KLF12: variants seen among roughly 807,000 people sequenced by gnomAD.
The protein encoded by KLF12 is KLF transcription factor 12.
Under a neutral mutation model 37.8 loss-of-function variants are expected in KLF12, and 9 were observed. That is an observed-to-expected ratio of 0.24 (90% confidence interval 0.14 to 0.42). KLF12 has a LOEUF of 0.42. Ranked by LOEUF, KLF12 falls within the 10% of genes least tolerant of loss-of-function variation. The pLI is 1.00. For missense variants in KLF12, 411 were observed against 516.0 expected (o/e 0.80, Z 1.97); for synonymous variants, 208 against 202.1 (o/e 1.03, Z -0.25).
the KLF12 span, among the ~76,000 whole-genome samples, chr13:74,176,639 C>T: frequency 2.0e-5 from 3 of 152,076 alleles, no homozygotes; most frequent in Non-Finnish European, 4.4e-5. Context: ...GATTTTTTGT[C>T]TGCATTGAGA....
Position 73,770,003 on chromosome 13 carries a change from A to G in KLF12, c.807-5003T>C, listed in dbSNP as rs148586494. ...TTTCTAAAACCATTTAGGTTATATAATCATTAACCTATATTTTAATTAGGT... is the reference window on the plus strand; with the variant it reads ...TTTCTAAAACCATTTAGGTTATATAGTCATTAACCTATATTTTAATTAGGT... On this transcript the variant is annotated intron_variant, in intron 5 of 7. Coordinates refer to ENST00000377669, the MANE Select transcript of KLF12 (RefSeq NM_007249.5). Among the ~76,000 whole-genome samples, 455 of 152,306 alleles carry G rather than the reference A, an allele frequency of 3.0e-3. 2 individuals are homozygous for G. The highest frequency in any genetic ancestry group is 0.01 in the African/African-American group (432 of 41,558).
intron 6 of KLF12, among the ~76,000 whole-genome samples, chr13:73,739,651 C>T (rs1275788978): frequency 7.0e-6 from 1 of 143,540 alleles, no homozygotes; most frequent in African/African-American, 2.5e-5. Context: ...CTGACATTCT[C>T]TAGAGACTCT....
the KLF12 span, among the ~76,000 whole-genome samples, chr13:74,140,777 G>T: frequency 6.6e-6 from 1 of 152,030 alleles, no homozygotes; most frequent in African/African-American, 2.4e-5. Flanking sequence ...GTTGGAGCAG[G>T]GTGCGGTGGC....
chr13:73,871,617 G>C (rs894550777), intron 3 of KLF12, among the ~76,000 whole-genome samples: 5 of 151,816 alleles, frequency 3.3e-5, no homozygotes, highest in African/African-American at 1.2e-4. Flanking sequence ...GACACCTCTG[G>C]GCCCTTCACA....
intron 5 of KLF12, among the ~76,000 whole-genome samples, chr13:73,807,169 G>A (rs1316339793): frequency 3.9e-5 from 6 of 152,006 alleles, no homozygotes; most frequent in Non-Finnish European, 5.9e-5. Flanking sequence ...TTAGCTGGGC[G>A]TGGTGGCTTA....
At chr13:74,088,830 A>C (rs1875477226) in intron 1 of KLF12, among the ~76,000 whole-genome samples, 2 of 152,234 alleles carry the variant, frequency 1.3e-5, no homozygotes, top group East Asian at 3.8e-4. Flanking sequence ...ATGTGAAAGC[A>C]CTTTGAACTG....
chr13:73,888,453 T>C (rs1035272629), intron 3 of KLF12, among the ~76,000 whole-genome samples: 4 of 152,240 alleles, frequency 2.6e-5, no homozygotes, highest in Admixed American at 1.3e-4. Flanking sequence ...ATATTGCTGC[T>C]ATTTAGAGCA....
chr13:73,968,829 C>T (rs1180878029), intron 2 of KLF12, among the ~76,000 whole-genome samples: 1 of 152,134 alleles, frequency 6.6e-6, no homozygotes, highest in East Asian at 1.9e-4. Context: ...TCTCCCTCGA[C>T]ACGTTGATCC....
intron 7 of KLF12, among the ~76,000 whole-genome samples, chr13:73,713,477 AC>A (rs1188960526): frequency 6.6e-6 from 1 of 152,232 alleles, no homozygotes; most frequent in Non-Finnish European, 1.5e-5. Context: ...TATGCAGAAA[AC>A]TGCACAGCAG....
At chr13:74,196,401 T>C in the KLF12 span, among the ~76,000 whole-genome samples, 1 of 152,112 alleles carries the variant, frequency 6.6e-6, no homozygotes, top group African/African-American at 2.4e-5. Context: ...GGGGAGAACA[T>C]TTTGGGTGTG....
the KLF12 span, among the ~76,000 whole-genome samples, chr13:74,303,274 G>A: frequency 6.6e-6 from 1 of 152,080 alleles, no homozygotes; most frequent in Non-Finnish European, 1.5e-5. Flanking sequence ...CATGGCAGTT[G>A]CCCCAAGAAC....
chr13:74,178,360 T>G, the KLF12 span, among the ~76,000 whole-genome samples: 35,792 of 152,196 alleles, frequency 0.24, 7,186 homozygotes, highest in African/African-American at 0.55. Context: ...TTTTTTACAC[T>G]CATTGCCTTA....
chr13:74,041,753 A>G (rs2138542677), intron 1 of KLF12, among the ~76,000 whole-genome samples: 1 of 152,000 alleles, frequency 6.6e-6, no homozygotes, highest in Non-Finnish European at 1.5e-5. Context: ...ACAGAAAAGA[A>G]AACACTCAGG....
chr13:73,937,074 C>T (rs1412031740), intron 3 of KLF12, among the ~76,000 whole-genome samples: 3 of 152,004 alleles, frequency 2.0e-5, no homozygotes, highest in Non-Finnish European at 4.4e-5. Context: ...CTTATAATCC[C>T]AGTTACTTGG....
intron 1 of KLF12, among the ~76,000 whole-genome samples, chr13:74,102,280 G>T (rs767120914): frequency 1.3e-5 from 2 of 151,908 alleles, no homozygotes; most frequent in Non-Finnish European, 2.9e-5. Context: ...GGGAAAGATG[G>T]ATATTGGTGT....
intron 6 of KLF12, among the ~76,000 whole-genome samples, chr13:73,721,068 A>G (rs1876206140): frequency 6.6e-6 from 1 of 152,238 alleles, no homozygotes; most frequent in African/African-American, 2.4e-5. Context: ...CAGAATGCTT[A>G]GTGGGTGTCA....
the KLF12 span, among the ~76,000 whole-genome samples, chr13:74,190,009 A>G: frequency 3.3e-4 from 50 of 152,272 alleles, no homozygotes; most frequent in African/African-American, 1.1e-3. Flanking sequence ...GAGTAATATT[A>G]TTTTTCTAAT....
At chr13:74,166,212 C>T in the KLF12 span, among the ~76,000 whole-genome samples, 1 of 151,408 alleles carries the variant, frequency 6.6e-6, no homozygotes, top group African/African-American at 2.4e-5. Flanking sequence ...GCCACCTCAG[C>T]CCCCGAGTAG....
chr13:73,938,089 G>C (rs1222145089), intron 3 of KLF12, among the ~76,000 whole-genome samples: 2 of 152,264 alleles, frequency 1.3e-5, no homozygotes, highest in East Asian at 1.9e-4. Flanking sequence ...TACCAATTTA[G>C]TCAAACGCTG....
Sources: gnomAD v4.1 joint callset for allele counts (sites outside exome capture counted in the v4.1 genomes callset) on GRCh38, gnomAD v4.1.1 for gene constraint, MANE v1.5 for transcripts, NCBI Gene and HGNC (gene_info 2026-07-23, HGNC 2026-07-21) for gene names.